IQCM: variants seen among roughly 807,000 people sequenced by gnomAD.
The protein encoded by IQCM is IQ domain-containing protein M.
IQCM carries 45 observed loss-of-function variants against 57.6 expected under a neutral mutation model. The ratio of observed to expected loss-of-function variants is 0.78; its 90% CI spans 0.62 to 1.00. The LOEUF (loss-of-function observed/expected upper bound fraction) is 1.00. Among genes scored for constraint, IQCM ranks in the 50% least tolerant of loss-of-function variants. IQCM has a pLI of 0.00. For synonymous variants in IQCM, 148 were observed against 158.9 expected (o/e 0.93, Z 0.51); for missense variants, 468 against 511.6 (o/e 0.91, Z 0.82).
chr4:149,568,662 A>G (rs1360381832), intron 9 of IQCM, among the ~76,000 whole-genome samples: 3 of 152,066 alleles, frequency 2.0e-5, no homozygotes, highest in South Asian at 2.1e-4. Context: ...ATGGTGGCAC[A>G]TGCTACCATG....
intron 9 of IQCM, among the ~76,000 whole-genome samples, chr4:149,582,427 G>A (rs1752300824): frequency 7.2e-6 from 1 of 139,450 alleles, no homozygotes; most frequent in Non-Finnish European, 1.6e-5. Context: ...AAGGAGGGGT[G>A]ACTTCTAGAA....
intron 13 of IQCM, among the ~76,000 whole-genome samples, chr4:149,427,329 T>G (rs1448616747): frequency 1.3e-5 from 2 of 152,014 alleles, no homozygotes; most frequent in Non-Finnish European, 2.9e-5. Context: ...AATGAAATAT[T>G]AATCTTCCAA....
intron 9 of IQCM, among the ~76,000 whole-genome samples, chr4:149,584,246 C>T (rs2149992780): frequency 6.6e-6 from 1 of 151,444 alleles, no homozygotes; most frequent in Non-Finnish European, 1.5e-5. Context: ...ATTTCTCAAC[C>T]ATATTTTAAT....
At chr4:149,508,861 G>T (rs1442159839) in intron 12 of IQCM, among the ~76,000 whole-genome samples, 1 of 152,184 alleles carries the variant, frequency 6.6e-6, no homozygotes, top group African/African-American at 2.4e-5. Context: ...TTGTGGGAAA[G>T]ACCCAGTGGG....
chr4:149,495,473 T>A (rs1742559696), intron 12 of IQCM, among the ~76,000 whole-genome samples: 3 of 152,122 alleles, frequency 2.0e-5, no homozygotes, highest in Admixed American at 2.0e-4. Context: ...TGAGGCAGTT[T>A]GGCTCAAAAA....
chr4:149,402,932 CTCTCAACTCTATCA>C (rs1329252397), intron 13 of IQCM, among the ~76,000 whole-genome samples: 2 of 151,668 alleles, frequency 1.3e-5, no homozygotes, highest in Non-Finnish European at 2.9e-5. Flanking sequence ...TAATCAAGTT[CTCTCAACTCTATCA>C]CATGTTATTT....
In IQCM at chr4:149,548,570, A is replaced by G; in HGVS notation, c.1113T>C (p.Ala371=). 1 of 1,226,010 alleles carries G rather than the reference A, an allele frequency of 8.2e-7. No homozygotes were observed. Among genetic ancestry groups the G allele is most frequent in the East Asian group, 3.2e-5 (1 of 31,628 alleles). The allele number at this position is 1,226,010 out of a possible 1,614,324, so 75.9% of individuals were successfully genotyped here. Reference sequence around the variant, plus strand: ...CAATTTTTGGCCAATCTTCCCTCTTAGCAAACATTATTTCATAGACTAAAA... The same window carrying G: ...CAATTTTTGGCCAATCTTCCCTCTTGGCAAACATTATTTCATAGACTAAAA... ...DRKKFYEIMF[A]KREDWPKIER... The change falls in exon 12 of 14, where the codon GCT becomes GCC. Residue 371 remains alanine, a synonymous_variant. Coordinates refer to ENST00000636793, the MANE Select transcript of IQCM (RefSeq NM_001363507.2).
At chr4:149,772,524 ATG>A (rs1477051070) in intron 2 of IQCM, among the ~76,000 whole-genome samples, 3 of 151,152 alleles carry the variant, frequency 2.0e-5, no homozygotes, top group Non-Finnish European at 4.4e-5. Context: ...TTGTTTAATA[ATG>A]TGTCACTTTA....
intron 5 of IQCM, among the ~76,000 whole-genome samples, chr4:149,714,612 T>C (rs1242861311): frequency 6.6e-6 from 1 of 152,208 alleles, no homozygotes; most frequent in African/African-American, 2.4e-5. Flanking sequence ...ATGTACCATG[T>C]TTGTTCCTAT....
chr4:149,603,693 C>T (rs1754517999), intron 8 of IQCM, among the ~76,000 whole-genome samples: 1 of 151,538 alleles, frequency 6.6e-6, no homozygotes, highest in Non-Finnish European at 1.5e-5. Flanking sequence ...ATGAGAATGG[C>T]CACTGATTTC....
At chr4:149,484,148 A>G (rs1741212289) in intron 12 of IQCM, among the ~76,000 whole-genome samples, 1 of 151,918 alleles carries the variant, frequency 6.6e-6, no homozygotes, top group Non-Finnish European at 1.5e-5. Context: ...GGCATGGAAT[A>G]TCTCTTTCCA....
rs368548756 is a variant in IQCM at position 149,555,963 on chromosome 4, C to A, written c.949-2676G>T. Among the ~76,000 whole-genome samples the A allele has an allele frequency of 1.1e-3, 167 of 152,196 alleles. 1 individual carries two copies. The highest frequency in any genetic ancestry group is 3.6e-3 in the African/African-American group (150 of 41,508). ...GGCTTTTCATGGTTAGGAAGTTGAG[C>A]CAGAGAAAATGACAATGGTCCATCC... On this transcript the variant is annotated intron_variant, in intron 10 of 13. Coordinates refer to ENST00000636793, the MANE Select transcript of IQCM (RefSeq NM_001363507.2).
chr4:149,596,646 C>G (rs1412417404), intron 8 of IQCM, among the ~76,000 whole-genome samples: 1 of 152,030 alleles, frequency 6.6e-6, no homozygotes, highest in African/African-American at 2.4e-5. Context: ...ACACTGTGGC[C>G]TTGGCTCTGA....
intron 2 of IQCM, among the ~76,000 whole-genome samples, chr4:149,799,568 A>C (rs1235680882): frequency 6.6e-6 from 1 of 151,870 alleles, no homozygotes; most frequent in African/African-American, 2.4e-5. Flanking sequence ...TAAAAGTTAA[A>C]CTAAAATGAC....
At chr4:149,678,795 T>C (rs1411178073) in intron 7 of IQCM, among the ~76,000 whole-genome samples, 1 of 151,430 alleles carries the variant, frequency 6.6e-6, no homozygotes, top group African/African-American at 2.4e-5. Flanking sequence ...ATATGAAAAA[T>C]GCTCAATGGA....
At chr4:149,744,301 C>T (rs561973478) in intron 2 of IQCM, among the ~76,000 whole-genome samples, 6 of 152,302 alleles carry the variant, frequency 3.9e-5, no homozygotes, top group South Asian at 2.1e-4. Context: ...TAAAATACTG[C>T]ATCTCCCTCA....
intron 8 of IQCM, among the ~76,000 whole-genome samples, chr4:149,590,247 C>CTTTTTTTTTTTTTTTTTTTTTTCT (rs71596214): frequency 2.4e-4 from 18 of 73,606 alleles, no homozygotes; most frequent in South Asian, 1.8e-3. Context: ...TTTTTCTTTC[C>CTTTTTTTTTTTTTTTTTTTTTTCT]TTTTTTTTTT....
rs181816263 is a variant in IQCM, at chr4:149,706,832, T to G, written c.386-20364A>C. The stretch of plus-strand genomic sequence containing the variant: ...TCACTGAGGCTCTCTGGACCTCTCT[T>G]TTTTATTCCTAAAATGAAGGTGGAA... On this transcript the variant is annotated intron_variant, in intron 5 of 13. Coordinates refer to ENST00000636793, the MANE Select transcript of IQCM (RefSeq NM_001363507.2). Among the ~76,000 whole-genome samples the G allele has an allele frequency of 1.1e-3, 163 of 152,104 alleles. 1 individual carries two copies. The highest frequency in any genetic ancestry group is 3.8e-3 in the African/African-American group (156 of 41,532).
intron 8 of IQCM, among the ~76,000 whole-genome samples, chr4:149,608,786 A>C (rs759183047): frequency 6.6e-6 from 1 of 151,908 alleles, no homozygotes; most frequent in Admixed American, 6.6e-5. Flanking sequence ...TTATAGCAAT[A>C]AATGCCTATA....
Sources: gnomAD v4.1 joint callset for allele counts (sites outside exome capture counted in the v4.1 genomes callset) on GRCh38, gnomAD v4.1.1 for gene constraint, MANE v1.5 for transcripts, NCBI Gene and HGNC (gene_info 2026-07-23, HGNC 2026-07-21) for gene names.